LCORL: variants seen among roughly 807,000 people sequenced by gnomAD.
The protein encoded by LCORL is ligand-dependent nuclear receptor corepressor-like protein.
LCORL carries 41 observed loss-of-function variants against 141.8 expected under a neutral mutation model. The observed-to-expected ratio is 0.29, with a 90% confidence interval of 0.23 to 0.38. The LOEUF is 0.38. Among genes scored for constraint, LCORL ranks in the 10% least tolerant of loss-of-function variants. LCORL has a pLI of 1.00. For synonymous variants in LCORL, 618 were observed against 694.1 expected, an observed-to-expected ratio of 0.89 and a Z score of 1.72; for missense variants, 1,759 against 2,035.0, an observed-to-expected ratio of 0.86 and a Z score of 2.61.
At chr4:17,952,652 T>G (rs923253133) in intron 4 of LCORL, among the ~76,000 whole-genome samples, 6 of 152,144 alleles carry the variant, frequency 3.9e-5, no homozygotes, top group African/African-American at 1.2e-4. Flanking sequence ...CCTGACCTCG[T>G]GATCCGCCCG....
chr4:17,850,785 C>A (rs111884558), intron 7 of LCORL, among the ~76,000 whole-genome samples: 17,133 of 151,404 alleles, frequency 0.11, 997 homozygotes, highest in South Asian at 0.23. Context: ...TGGATATATA[C>A]CCAAAGGATT....
chr4:17,924,460 G>A (rs1047896509), intron 4 of LCORL, among the ~76,000 whole-genome samples: 1 of 152,164 alleles, frequency 6.6e-6, no homozygotes, highest in Admixed American at 6.5e-5. Context: ...CCAACACTGA[G>A]CCCTCAATAT....
chr4:17,920,186 T>G (rs1428959787), intron 4 of LCORL, among the ~76,000 whole-genome samples: 1 of 152,168 alleles, frequency 6.6e-6, no homozygotes, highest in Non-Finnish European at 1.5e-5. Flanking sequence ...TGTAACACTA[T>G]CTCCAGGTAG....
At chr4:17,983,810 T>C (rs1440668785) in intron 1 of LCORL, among the ~76,000 whole-genome samples, 4 of 152,172 alleles carry the variant, frequency 2.6e-5, no homozygotes, top group African/African-American at 9.7e-5. Flanking sequence ...TTATGTTGAA[T>C]AGAAGTAGTG....
chr4:17,873,574 G>T, exon 7 of LCORL: 1 of 1,233,566 alleles, frequency 8.1e-7, no homozygotes, highest in South Asian at 4.1e-5. Flanking sequence ...TTGCCAAGAT[G>T]GTCAGCAAAT....
At chr4:17,880,673 A>T in intron 6 of LCORL, 2 of 982,842 alleles carry the variant, frequency 2.0e-6, no homozygotes, top group Non-Finnish European at 2.4e-6. Context: ...TTGTAAATTT[A>T]AGTGCAAAAG....
chr4:17,846,297 CACCTT>C (rs1045524529), intron 7 of LCORL, among the ~76,000 whole-genome samples: 1 of 152,082 alleles, frequency 6.6e-6, no homozygotes, highest in African/African-American at 2.4e-5. Flanking sequence ...ACGTTCTAGC[CACCTT>C]CACATGTATT....
At chr4:17,957,155 G>T (rs1014285558) in intron 4 of LCORL, among the ~76,000 whole-genome samples, 1 of 151,918 alleles carries the variant, frequency 6.6e-6, no homozygotes, top group Non-Finnish European at 1.5e-5. Flanking sequence ...CATGAGCTAT[G>T]ATGGGAATAG....
At chr4:17,974,711 T>C (rs1368212999) in intron 1 of LCORL, among the ~76,000 whole-genome samples, 3 of 152,166 alleles carry the variant, frequency 2.0e-5, no homozygotes, top group African/African-American at 7.2e-5. Flanking sequence ...TTATAATATT[T>C]ATTAATTATT....
intron 1 of LCORL, among the ~76,000 whole-genome samples, chr4:18,015,627 A>G (rs967259346): frequency 6.6e-6 from 1 of 152,040 alleles, no homozygotes; most frequent in Non-Finnish European, 1.5e-5. Flanking sequence ...CTGTATAAAC[A>G]AAGTCTTTTG....
intron 1 of LCORL, among the ~76,000 whole-genome samples, chr4:17,997,326 T>C (rs1378749638): frequency 6.6e-6 from 1 of 152,130 alleles, no homozygotes; most frequent in Non-Finnish European, 1.5e-5. Flanking sequence ...GATTTGAGAA[T>C]TTGGGGAAAG....
At chr4:17,866,073 A>G (rs543252553) in intron 7 of LCORL, among the ~76,000 whole-genome samples, 3 of 152,094 alleles carry the variant, frequency 2.0e-5, no homozygotes, top group South Asian at 4.2e-4. Flanking sequence ...TTCCTTCTCA[A>G]TCCTCCCTAC....
intron 1 of LCORL, among the ~76,000 whole-genome samples, chr4:17,977,359 T>C (rs1215116896): frequency 6.6e-6 from 1 of 152,208 alleles, no homozygotes; most frequent in Non-Finnish European, 1.5e-5. Flanking sequence ...TTCTGCCATC[T>C]GCCATCCATG....
intron 5 of LCORL, among the ~76,000 whole-genome samples, chr4:17,906,177 G>A (rs1433765717): frequency 1.3e-5 from 2 of 152,118 alleles, no homozygotes; most frequent in African/African-American, 2.4e-5. Context: ...ACACACAAAT[G>A]CATCAAAGGG....
At chr4:18,004,974 G>A (rs966077358) in intron 1 of LCORL, among the ~76,000 whole-genome samples, 1 of 151,850 alleles carries the variant, frequency 6.6e-6, no homozygotes, top group African/African-American at 2.4e-5. Flanking sequence ...CCAGACTGGA[G>A]TGCAATGATC....
chr4:17,857,556 C>T (rs914858562), intron 7 of LCORL, among the ~76,000 whole-genome samples: 2 of 152,054 alleles, frequency 1.3e-5, no homozygotes, highest in Non-Finnish European at 2.9e-5. Flanking sequence ...CATTTGGGAC[C>T]AGATAATTGT....
chr4:17,940,253 A>G (rs1009858135), intron 4 of LCORL, among the ~76,000 whole-genome samples: 2 of 146,996 alleles, frequency 1.4e-5, no homozygotes, highest in South Asian at 4.2e-4. Context: ...TCCTTAAGGT[A>G]TGACATTCTA....
intron 6 of LCORL, chr4:17,880,453 CCAAA>C (rs752953168): frequency 1.1e-6 from 1 of 920,878 alleles, no homozygotes; most frequent in Non-Finnish European, 1.3e-6. Context: ...GATTTATAAA[CCAAA>C]CATACTGCCT....
intron 4 of LCORL, among the ~76,000 whole-genome samples, chr4:17,937,594 G>C (rs1351173848): frequency 6.6e-6 from 1 of 152,126 alleles, no homozygotes; most frequent in East Asian, 1.9e-4. Flanking sequence ...TACAGACTTA[G>C]ATTTCTTCTC....
Sources: gnomAD v4.1 joint callset for allele counts (sites outside exome capture counted in the v4.1 genomes callset) on GRCh38, gnomAD v4.1.1 for gene constraint, MANE v1.5 for transcripts, NCBI Gene and HGNC (gene_info 2026-07-23, HGNC 2026-07-21) for gene names.